LAMA3: variants seen among roughly 807,000 people sequenced by gnomAD.
LAMA3 encodes the protein laminin subunit alpha 3, also known as laminin subunit alpha-3.
A neutral mutation model predicts 402.0 loss-of-function variants in LAMA3; 281 were observed. That is an observed-to-expected ratio of 0.70 (90% CI 0.63 to 0.77). The LOEUF (loss-of-function observed/expected upper bound fraction) is 0.77, where lower values mean the gene tolerates loss of function less well. Ranked by LOEUF, LAMA3 falls within the 30% of genes least tolerant of loss-of-function variation. The pLI, the probability that LAMA3 is intolerant of heterozygous loss-of-function variation, is 0.00. For synonymous variants in LAMA3, 1,431 were observed against 1,558.4 expected (o/e 0.92, Z 1.93); for missense variants, 3,840 against 4,215.5 (o/e 0.91, Z 2.47).
At chr18:23,851,485 TA>T (rs1314990938) in intron 32 of LAMA3, among the ~76,000 whole-genome samples, 1 of 152,190 alleles carries the variant, frequency 6.6e-6, no homozygotes, top group East Asian at 1.9e-4. Flanking sequence ...TCTTCATCTG[TA>T]AAATAAGGAT....
At chr18:23,847,703 C>T (rs747161944) in intron 32 of LAMA3, 35 bp downstream of exon 32, 1 of 1,594,358 alleles carries the variant, frequency 6.3e-7, no homozygotes, top group Non-Finnish European at 8.6e-7. Flanking sequence ...GCTTCTGTCA[C>T]AGGGAGGTCG....
intron 58 of LAMA3, 27 bp downstream of exon 58, chr18:23,914,887 T>C (rs2081561222): frequency 1.9e-6 from 3 of 1,561,664 alleles, no homozygotes; most frequent in South Asian, 1.1e-5. Flanking sequence ...TTTCACTGAA[T>C]TAAATATTAA....
chr18:23,693,219 C>T (rs1201646736), intron 1 of LAMA3, among the ~76,000 whole-genome samples: 1 of 152,136 alleles, frequency 6.6e-6, no homozygotes, highest in Non-Finnish European at 1.5e-5. Context: ...TGGCAGGTGC[C>T]TGTAATCCCA....
rs752003851 is a variant in LAMA3 at position 23,775,762 on chromosome 18, G to C, written c.1274-30G>C. 7 of 1,613,616 alleles carry C rather than the reference G, an allele frequency of 4.3e-6. No homozygotes were observed. The South Asian group carries it at 5.5e-5, about 13-fold the overall frequency. ...TGCTTTGTTAAGTGCAGTGAAGGAC[G>C]GATCCTTTGAAAACTGGGATTTCTC... On this transcript the variant is annotated intron_variant, in intron 9 of 74. Coordinates refer to ENST00000313654, the MANE Select transcript of LAMA3 (RefSeq NM_198129.4).
intron 55 of LAMA3, 113 bp from the exon 56 acceptor site, chr18:23,912,598 C>A: frequency 1.2e-6 from 1 of 853,840 alleles, no homozygotes; most frequent in Non-Finnish European, 2.0e-6. Flanking sequence ...TGCTCCTTAT[C>A]ATAACAACTC....
intron 7 of LAMA3, among the ~76,000 whole-genome samples, chr18:23,759,062 T>G (rs2061914290): frequency 6.6e-6 from 1 of 151,646 alleles, no homozygotes; most frequent in South Asian, 2.1e-4. Flanking sequence ...TTTGTTTTTG[T>G]TTTTTAGGCC....
At chr18:23,838,947 C>A (rs1053252932) in intron 26 of LAMA3, 69 bp downstream of exon 26, 1 of 932,162 alleles carries the variant, frequency 1.1e-6, no homozygotes, top group Non-Finnish European at 1.8e-6. Context: ...AAGGCTGAAA[C>A]TTTATACTCA....
At chr18:23,928,096 C>T (rs1053332277) in intron 62 of LAMA3, 27 bp from the exon 63 acceptor site, 1 of 1,501,114 alleles carries the variant, frequency 6.7e-7, no homozygotes, top group East Asian at 2.3e-5. Flanking sequence ...TGATCCATCT[C>T]TTCCTTTTAT....
Position 23,822,257 on chromosome 18 carries a change from T to C in LAMA3, c.2310T>C (p.Asp770=), listed in dbSNP as rs753774682. 4.3e-6 allele frequency: 7 copies of C among 1,613,866 alleles called. No individual in the cohort carries two copies. Among genetic ancestry groups the C allele is most frequent in the Non-Finnish European group, 5.9e-6 (7 of 1,179,880 alleles). Residue 770 remains aspartate, a synonymous_variant, in exon 20 of 75, where the codon GAT becomes GAC. Coordinates refer to ENST00000313654, the MANE Select transcript of LAMA3 (RefSeq NM_198129.4). ...GYAQMTSVQN[D]VRITLNVGKS... ...GGCGTTTCGGTATTTTTCAGAATGA[T>C]GTAAGAATAACATTGAATGTAGGGA...
chr18:23,906,245 A>G (rs2081245013), intron 52 of LAMA3, among the ~76,000 whole-genome samples: 1 of 152,098 alleles, frequency 6.6e-6, no homozygotes, highest in African/African-American at 2.4e-5. Context: ...AATTTAACCC[A>G]CCTGTGATCA....
chr18:23,828,097 C>T (rs1195998058), intron 23 of LAMA3, among the ~76,000 whole-genome samples: 2 of 152,194 alleles, frequency 1.3e-5, no homozygotes, highest in Non-Finnish European at 2.9e-5. Context: ...GAATACACAA[C>T]ACTTCAAAAT....
At chr18:23,699,757 C>G (rs1484633514) in intron 1 of LAMA3, among the ~76,000 whole-genome samples, 1 of 152,124 alleles carries the variant, frequency 6.6e-6, no homozygotes. Context: ...CAGAGGCGTT[C>G]GAACTAGAGA....
chr18:23,731,648 TG>T (rs1188477540), intron 2 of LAMA3, among the ~76,000 whole-genome samples: 6 of 152,134 alleles, frequency 3.9e-5, no homozygotes, highest in African/African-American at 1.4e-4. Context: ...GTTGGCATGG[TG>T]TAATTTCAGG....
chr18:23,869,584 A>G (rs1015446698), intron 37 of LAMA3, among the ~76,000 whole-genome samples: 3 of 152,244 alleles, frequency 2.0e-5, no homozygotes, highest in African/African-American at 7.2e-5. Context: ...TTAAAATTAT[A>G]TAAGCATCAT....
At position 23,928,223 on chromosome 18, in the gene LAMA3, T is replaced by G. The variant is rs886053676; in HGVS notation, c.8278T>G (p.Cys2760Gly). 3 of 1,609,458 alleles carry G rather than the reference T, an allele frequency of 1.9e-6. No homozygotes were observed. ...LNDTVGVTKK[C>G]SEDWKLVRSA... Reference sequence around the variant, plus strand: ...TGATACTGTGGGAGTAACCAAAAAGTGCTCGGAAGACTGGAAGGTAAGTGA... The same window carrying G: ...TGATACTGTGGGAGTAACCAAAAAGGGCTCGGAAGACTGGAAGGTAAGTGA... Residue 2760 changes from cysteine to glycine, a missense_variant, in exon 63 of 75, where the codon TGC becomes GGC. Transcript: ENST00000313654.
chr18:23,842,967 C>T (rs574345562), intron 29 of LAMA3, among the ~76,000 whole-genome samples: 2 of 152,274 alleles, frequency 1.3e-5, no homozygotes, highest in African/African-American at 2.4e-5. Context: ...AGAGAGTAGG[C>T]GTCGCCCCTC....
In LAMA3 at chr18:23,758,452, C is replaced by G. The variant is rs1418021031; in HGVS notation, c.1004C>G (p.Thr335Arg). 6 of 1,614,204 alleles carry G rather than the reference C, an allele frequency of 3.7e-6. No homozygotes were observed. In the South Asian group the frequency reaches 6.6e-5, roughly 18 times the overall value. Residue 335 changes from threonine (T) to arginine (R), a missense_variant, in exon 7 of 75, where the codon ACA (threonine) becomes AGA (arginine). Thr to Arg is a moderately conservative substitution (Grantham distance 71, BLOSUM62 -1). This residue lies in a region of LAMA3 where 2,109 missense variants were observed against 2,376.0 expected (regional missense o/e 0.89). Transcript: ENST00000313654. Reference sequence around the variant, plus strand: ...GGGGAGACGTGTGATCGCTGCTGCACAGGGTACAATCAGAGGCGCTGGCGG... The same window carrying G: ...GGGGAGACGTGTGATCGCTGCTGCAGAGGGTACAATCAGAGGCGCTGGCGG... ...TCGETCDRCC[T>R]GYNQRRWRPA...
At chr18:23,837,819 GA>G (rs2063617921) in intron 25 of LAMA3, among the ~76,000 whole-genome samples, 1 of 151,892 alleles carries the variant, frequency 6.6e-6, no homozygotes. Flanking sequence ...CACACCCTGG[GA>G]AATGCCAGGC....
At chr18:23,885,113 C>G (rs1286070200) in intron 41 of LAMA3, among the ~76,000 whole-genome samples, 2 of 151,766 alleles carry the variant, frequency 1.3e-5, no homozygotes, top group Non-Finnish European at 2.9e-5. Flanking sequence ...CCTACATCCC[C>G]CCAACACGCA....
Sources: allele counts gnomAD v4.1 joint callset (sites outside exome capture counted in the v4.1 genomes callset), GRCh38; gene constraint gnomAD v4.1.1; regional missense constraint gnomAD v4.1.1; transcripts MANE v1.5; gene names NCBI Gene and HGNC (gene_info 2026-07-23, HGNC 2026-07-21).